ALK: variants seen among roughly 807,000 people sequenced by gnomAD.
ALK encodes the protein ALK tyrosine kinase receptor.
Under a neutral mutation model 163.1 loss-of-function variants are expected in ALK, and 74 were observed. That is an observed-to-expected ratio of 0.45 (90% CI 0.38 to 0.55). ALK has a LOEUF of 0.55. Ranked by LOEUF, ALK falls within the 20% of genes least tolerant of loss-of-function variation. The pLI, the probability that ALK is intolerant of heterozygous loss-of-function variation, is 0.00. For missense variants in ALK, 2,063 were observed against 2,105.3 expected (o/e 0.98, Z 0.39); for synonymous variants, 960 against 843.2 (o/e 1.14, Z -2.40).
intron 15 of ALK, 136 bp from the exon 16 acceptor site, chr2:29,229,202 G>C: frequency 1.3e-6 from 1 of 772,086 alleles, no homozygotes; most frequent in Non-Finnish European, 2.3e-6. Flanking sequence ...TCTTCAGTGG[G>C]GCCTGGGGGC....
intron 4 of ALK, among the ~76,000 whole-genome samples, chr2:29,408,093 T>TTC (rs1669634078): frequency 2.7e-5 from 4 of 150,802 alleles, no homozygotes; most frequent in African/African-American, 4.9e-5. Context: ...TTTTCTTTTT[T>TTC]TTTTTTTGAG....
At chr2:29,506,240 C>G (rs748857783) in intron 4 of ALK, among the ~76,000 whole-genome samples, 1 of 152,166 alleles carries the variant, frequency 6.6e-6, no homozygotes, top group Non-Finnish European at 1.5e-5. Flanking sequence ...TTTTCCAATT[C>G]TGCATGGTTC....
At chr2:29,222,145 T>G (rs2148168068) in intron 22 of ALK, among the ~76,000 whole-genome samples, 199 bp downstream of exon 22, 1 of 152,304 alleles carries the variant, frequency 6.6e-6, no homozygotes, top group East Asian at 1.9e-4. Context: ...CCACACAGAC[T>G]TTGTTTCTGA....
chr2:29,318,003 A>G (rs1247379194), intron 8 of ALK, among the ~76,000 whole-genome samples: 3 of 152,252 alleles, frequency 2.0e-5, no homozygotes, highest in African/African-American at 7.2e-5. Context: ...GTCTTTTGCA[A>G]TCCTTGTCAC....
At chr2:29,250,423 C>T (rs949486375) in intron 12 of ALK, among the ~76,000 whole-genome samples, 2 of 152,198 alleles carry the variant, frequency 1.3e-5, no homozygotes, top group Non-Finnish European at 2.9e-5. Flanking sequence ...GCATTGACAC[C>T]ACCCGAGAAC....
chr2:29,629,838 G>C (rs1676306423), intron 3 of ALK, among the ~76,000 whole-genome samples: 1 of 152,140 alleles, frequency 6.6e-6, no homozygotes, highest in African/African-American at 2.4e-5. Context: ...ATAGATCTTT[G>C]AGGATTTGAA....
intron 12 of ALK, 144 bp downstream of exon 12, chr2:29,250,961 C>A (rs1423584910): frequency 1.2e-5 from 9 of 755,462 alleles, no homozygotes; most frequent in Non-Finnish European, 1.9e-5. Context: ...CCATCTCCAA[C>A]CTTTATACCC....
chr2:29,440,188 C>T (rs775461801), intron 4 of ALK, among the ~76,000 whole-genome samples: 2 of 151,964 alleles, frequency 1.3e-5, no homozygotes, highest in African/African-American at 2.4e-5. Flanking sequence ...GAGCCGAGAT[C>T]GTGCCATTGC....
intron 4 of ALK, among the ~76,000 whole-genome samples, chr2:29,458,583 C>T (rs1208024962): frequency 1.3e-5 from 2 of 152,090 alleles, no homozygotes; most frequent in Admixed American, 6.6e-5. Context: ...TATTGACCTA[C>T]AGAATGCATT....
At chr2:29,365,742 GTTCT>G (rs1410866458) in intron 5 of ALK, among the ~76,000 whole-genome samples, 1 of 152,098 alleles carries the variant, frequency 6.6e-6, no homozygotes, top group Non-Finnish European at 1.5e-5. Context: ...AATATTTTGA[GTTCT>G]TTATCTCCCA....
At chr2:29,637,399 A>C (rs943260445) in intron 3 of ALK, among the ~76,000 whole-genome samples, 2 of 152,144 alleles carry the variant, frequency 1.3e-5, no homozygotes, top group African/African-American at 4.8e-5. Context: ...GTAGAAATGG[A>C]GAAGAGATTA....
At chr2:29,196,993 C>T in intron 27 of ALK, 133 bp from the exon 28 acceptor site, 2 of 706,504 alleles carry the variant, frequency 2.8e-6, no homozygotes, top group Non-Finnish European at 5.0e-6. Flanking sequence ...TTGGCCTATG[C>T]TGCCCCCTGC....
At chr2:29,262,878 C>G (rs1261068237) in intron 11 of ALK, among the ~76,000 whole-genome samples, 1 of 152,212 alleles carries the variant, frequency 6.6e-6, no homozygotes, top group African/African-American at 2.4e-5. Context: ...CGCAGCCACC[C>G]CCTGCTCCCC....
rs79696803 is a variant in ALK, at chr2:29,623,606, C to A, written c.952+71244G>T. ...GCACAGAGAGAGTAAGTGACTTTCCCTAAACTGCACAGCTGGTAAGTAATA... is the reference window on the plus strand; with the variant it reads ...GCACAGAGAGAGTAAGTGACTTTCCATAAACTGCACAGCTGGTAAGTAATA... On this transcript the variant is annotated intron_variant, in intron 3 of 28. Coordinates refer to ENST00000389048, the MANE Select transcript of ALK (RefSeq NM_004304.5). Among the ~76,000 whole-genome samples, 564 of 152,272 alleles carry A rather than the reference C, an allele frequency of 3.7e-3. 3 individuals carry two copies. Among genetic ancestry groups the A allele is most frequent in the African/African-American group, 0.013 (541 of 41,550 alleles).
intron 7 of ALK, among the ~76,000 whole-genome samples, chr2:29,318,712 G>A (rs372904076): frequency 2.0e-5 from 3 of 151,940 alleles, no homozygotes; most frequent in African/African-American, 4.8e-5. Flanking sequence ...CTACACAGGC[G>A]CCTGCCACCA....
chr2:29,769,992 G>A (rs1191506828), intron 1 of ALK, among the ~76,000 whole-genome samples: 5 of 152,172 alleles, frequency 3.3e-5, no homozygotes, highest in Non-Finnish European at 7.3e-5. Flanking sequence ...GTTGGTGGGA[G>A]GGACGAGAAA....
At chr2:29,196,046 T>C (rs904606398) in intron 28 of ALK, among the ~76,000 whole-genome samples, 3 of 152,088 alleles carry the variant, frequency 2.0e-5, no homozygotes, top group African/African-American at 7.2e-5. Context: ...GGAGGAAGCA[T>C]AGCTGTCGGC....
chr2:29,268,098 G>T (rs1001171878), intron 11 of ALK, among the ~76,000 whole-genome samples: 5 of 152,186 alleles, frequency 3.3e-5, no homozygotes, highest in Admixed American at 6.5e-5. Context: ...GCTTAGAAGG[G>T]CAACAGTATC....
chr2:29,909,490 G>C (rs866838591), intron 1 of ALK, among the ~76,000 whole-genome samples: 2,073 of 148,944 alleles, frequency 0.014, 48 homozygotes, highest in African/African-American at 0.05. Context: ...CAGAGAGAGA[G>C]AGAGAGAGAG....
Sources: allele counts gnomAD v4.1 joint callset (sites outside exome capture counted in the v4.1 genomes callset), GRCh38; gene constraint gnomAD v4.1.1; transcripts MANE v1.5; gene names NCBI Gene and HGNC (gene_info 2026-07-23, HGNC 2026-07-21).